Variants in EPHA6 observed in about 807,000 individuals in gnomAD.
EPHA6 encodes the protein ephrin type-A receptor 6.
In EPHA6, 50 loss-of-function variants were observed where a neutral mutation model predicts 112.0. The ratio of observed to expected loss-of-function variants is 0.45; its 90% confidence interval spans 0.36 to 0.56. EPHA6 has a LOEUF of 0.56. EPHA6 is among the 20% of genes least tolerant of loss of function. EPHA6 has a pLI of 0.00. For synonymous variants in EPHA6, 529 were observed against 490.7 expected (o/e 1.08, Z -1.03); for missense variants, 1,280 against 1,417.4 (o/e 0.90, Z 1.56).
At chr3:96,818,127 A>G (rs1028405241) in intron 1 of EPHA6, among the ~76,000 whole-genome samples, 2 of 152,006 alleles carry the variant, frequency 1.3e-5, no homozygotes, top group African/African-American at 4.8e-5. Context: ...TTTTAAAAAC[A>G]TTTCATCTTT....
chr3:97,745,801 T>A (rs2035688348), intron 16 of EPHA6, among the ~76,000 whole-genome samples: 1 of 151,860 alleles, frequency 6.6e-6, no homozygotes, highest in African/African-American at 2.4e-5. Context: ...CGGGTCCTGG[T>A]GACTTTAGGG....
intron 14 of EPHA6, among the ~76,000 whole-genome samples, chr3:97,705,292 T>A (rs2033616500): frequency 6.6e-6 from 1 of 152,128 alleles, no homozygotes; most frequent in Admixed American, 6.5e-5. Context: ...CTCACACCTC[T>A]TTCATTCATC....
chr3:97,700,328 T>G (rs2033307864), intron 14 of EPHA6, among the ~76,000 whole-genome samples: 2 of 152,190 alleles, frequency 1.3e-5, no homozygotes, highest in African/African-American at 4.8e-5. Context: ...GCTTCCAAGT[T>G]GAATGAAGTG....
chr3:97,559,087 AACTTTGAG>A (rs993502353), intron 11 of EPHA6, among the ~76,000 whole-genome samples: 1 of 152,026 alleles, frequency 6.6e-6, no homozygotes, highest in African/African-American at 2.4e-5. Context: ...ATGAATAAGA[AACTTTGAG>A]GACTTCAGAG....
chr3:97,291,046 T>A (rs894605907), intron 5 of EPHA6, among the ~76,000 whole-genome samples: 1 of 152,200 alleles, frequency 6.6e-6, no homozygotes, highest in Non-Finnish European at 1.5e-5. Flanking sequence ...TCCTCTTAGC[T>A]GTGCTTTGGC....
At chr3:96,955,514 G>T (rs1300161183) in intron 2 of EPHA6, among the ~76,000 whole-genome samples, 1 of 152,080 alleles carries the variant, frequency 6.6e-6, no homozygotes, top group Non-Finnish European at 1.5e-5. Context: ...ACAGAAATTA[G>T]GTTTGTTTCT....
intron 5 of EPHA6, among the ~76,000 whole-genome samples, chr3:97,296,618 C>T (rs1417091925): frequency 2.0e-5 from 3 of 152,128 alleles, no homozygotes; most frequent in Non-Finnish European, 4.4e-5. Context: ...CTTTTATTCC[C>T]AGCAGCAGCA....
At chr3:97,024,421 T>C (rs935704586) in intron 3 of EPHA6, among the ~76,000 whole-genome samples, 1 of 152,170 alleles carries the variant, frequency 6.6e-6, no homozygotes, top group Non-Finnish European at 1.5e-5. Flanking sequence ...TTTTTAGCTT[T>C]AGAATTAATG....
intron 5 of EPHA6, among the ~76,000 whole-genome samples, chr3:97,383,219 TTTTAA>T (rs1394165116): frequency 6.6e-6 from 1 of 151,988 alleles, no homozygotes; most frequent in Non-Finnish European, 1.5e-5. Context: ...AAAAATCTGG[TTTTAA>T]TAGGGACATT....
At chr3:97,009,374 A>C (rs1053621673) in intron 3 of EPHA6, among the ~76,000 whole-genome samples, 1 of 152,186 alleles carries the variant, frequency 6.6e-6, no homozygotes, top group Non-Finnish European at 1.5e-5. Flanking sequence ...GTTAGACCTT[A>C]AGAGGCATTC....
At chr3:96,964,389 C>T (rs1271184125) in intron 2 of EPHA6, among the ~76,000 whole-genome samples, 1 of 152,112 alleles carries the variant, frequency 6.6e-6, no homozygotes, top group Non-Finnish European at 1.5e-5. Flanking sequence ...TCACATTCTT[C>T]TTTGTTCATC....
chr3:97,128,428 G>A (rs1164994149), intron 3 of EPHA6, among the ~76,000 whole-genome samples: 1 of 152,046 alleles, frequency 6.6e-6, no homozygotes, highest in East Asian at 1.9e-4. Flanking sequence ...CTGCTCTTAG[G>A]CCTAGCTGTT....
intron 11 of EPHA6, among the ~76,000 whole-genome samples, chr3:97,588,247 A>G (rs1253541029): frequency 2.6e-5 from 4 of 152,198 alleles, no homozygotes; most frequent in Admixed American, 2.0e-4. Context: ...TATGAAGTAA[A>G]CTTATTACTG....
chr3:97,048,955 T>C (rs2045599163), intron 3 of EPHA6, among the ~76,000 whole-genome samples: 1 of 152,176 alleles, frequency 6.6e-6, no homozygotes, highest in East Asian at 1.9e-4. Context: ...CTGAAGATGA[T>C]ATTTAAGTAA....
At chr3:97,238,446 G>A (rs768411091) in intron 4 of EPHA6, among the ~76,000 whole-genome samples, 22 of 151,736 alleles carry the variant, frequency 1.4e-4, no homozygotes, top group Admixed American at 2.6e-4. Context: ...CATTTCTTTA[G>A]TTAAAACATG....
At chr3:96,941,494 A>G (rs2040944190) in intron 2 of EPHA6, among the ~76,000 whole-genome samples, 3 of 152,158 alleles carry the variant, frequency 2.0e-5, no homozygotes, top group Admixed American at 6.5e-5. Flanking sequence ...CTAGTTATAC[A>G]TTCGTCTAAT....
At chr3:97,119,466 C>A (rs369696311) in intron 3 of EPHA6, among the ~76,000 whole-genome samples, 5 of 151,974 alleles carry the variant, frequency 3.3e-5, no homozygotes, top group African/African-American at 9.6e-5. Flanking sequence ...CCATGAAGAC[C>A]AGAAGCAATA....
chr3:96,960,355 G>A (rs1244768442), intron 2 of EPHA6, among the ~76,000 whole-genome samples: 2 of 152,086 alleles, frequency 1.3e-5, no homozygotes, highest in African/African-American at 2.4e-5. Context: ...CGGTTCCAGA[G>A]ATCTCTGTGC....
At chr3:97,185,660 C>T (rs1242569054) in intron 3 of EPHA6, among the ~76,000 whole-genome samples, 1 of 152,030 alleles carries the variant, frequency 6.6e-6, no homozygotes. Flanking sequence ...TGTGGCGATT[C>T]CTCAGGGATC....
Sources: gnomAD v4.1 joint callset for allele counts (sites outside exome capture counted in the v4.1 genomes callset) on GRCh38, gnomAD v4.1.1 for gene constraint, MANE v1.5 for transcripts, NCBI Gene and HGNC (gene_info 2026-07-23, HGNC 2026-07-21) for gene names.